POMGNT1: variants seen among roughly 807,000 people sequenced by gnomAD.
POMGNT1 encodes protein O-linked-mannose beta-1,2-N-acetylglucosaminyltransferase 1.
POMGNT1 carries 67 observed loss-of-function variants against 95.6 expected under a neutral mutation model. That is an observed-to-expected ratio of 0.70 (90% CI 0.58 to 0.86). POMGNT1 has a LOEUF of 0.86. Among genes scored for constraint, POMGNT1 ranks in the 40% least tolerant of loss-of-function variants. The pLI, the probability that POMGNT1 is intolerant of heterozygous loss-of-function variation, is 0.00. For missense variants in POMGNT1, 719 were observed against 855.2 expected (o/e 0.84, Z 1.99); for synonymous variants, 298 against 317.9 (o/e 0.94, Z 0.66).
intron 1 of POMGNT1, among the ~76,000 whole-genome samples, chr1:46,212,132 G>A (rs1658916287): frequency 6.6e-6 from 1 of 152,092 alleles, no homozygotes; most frequent in African/African-American, 2.4e-5. Context: ...GTTATTTCCT[G>A]AATAATTCAA....
intron 1 of POMGNT1, among the ~76,000 whole-genome samples, chr1:46,216,079 C>T (rs1659057550): frequency 9.2e-6 from 1 of 108,958 alleles, no homozygotes; most frequent in Admixed American, 1.4e-4. Flanking sequence ...GACGGAGTCT[C>T]GCTGTTGCCC....
chr1:46,219,626 G>T, intron 1 of POMGNT1: 1 of 1,457,900 alleles, frequency 6.9e-7, no homozygotes. Context: ...GAACCACAAG[G>T]TAGTGGCCTG....
At chr1:46,199,361 G>T (rs1334861213), upstream of POMGNT1, among the ~76,000 whole-genome samples, 1 of 152,212 alleles carries the variant, frequency 6.6e-6, no homozygotes, top group East Asian at 1.9e-4. Context: ...ACTGCACTCT[G>T]CTGGCAACAA....
intron 1 of POMGNT1, among the ~76,000 whole-genome samples, chr1:46,215,708 G>A (rs1045465461): frequency 1.3e-5 from 2 of 152,180 alleles, no homozygotes; most frequent in African/African-American, 2.4e-5. Context: ...AGACCAGCCT[G>A]GGCAACATAG....
rs200227264 is a variant in POMGNT1 at position 46,196,798 on chromosome 1, C to G, written c.287G>C (p.Arg96Pro). The G allele has an allele frequency of 2.8e-5, 45 of 1,614,094 alleles. No individual in the cohort carries two copies. Among genetic ancestry groups the G allele is most frequent in the Non-Finnish European group, 3.8e-5 (45 of 1,180,046 alleles). The change falls in exon 4 of 22, where the codon CGG becomes CCG. Residue 96 changes from arginine to proline, a missense_variant. Arg to Pro is a moderately radical substitution (Grantham distance 103). Coordinates refer to ENST00000371984, the MANE Select transcript of POMGNT1 (RefSeq NM_017739.4). The surrounding 1 kb of genome is among the most constrained non-coding windows in gnomAD (Gnocchi z 4.4). Reference sequence around the variant, plus strand: ...ATACACCTCTACGTCCAGGACCCGCCGGGGACCACTGCCTCTGCGCCGTGG... The same window carrying G: ...ATACACCTCTACGTCCAGGACCCGCGGGGGACCACTGCCTCTGCGCCGTGG... ...EPPRRRGSGP[R>P]RVLDVEVYSS... is the part of the protein sequence containing the mutation.
intron 14 of POMGNT1, 50 bp downstream of exon 14, chr1:46,192,850 T>C (rs2148188896): frequency 1.2e-6 from 2 of 1,611,940 alleles, no homozygotes; most frequent in East Asian, 2.2e-5. Flanking sequence ...TCACTGACTC[T>C]TTCCCTGCAG....
intron 11 of POMGNT1, 74 bp from the exon 12 acceptor site, chr1:46,193,462 C>T (rs530310059): frequency 6.2e-7 from 1 of 1,608,190 alleles, no homozygotes; most frequent in Non-Finnish European, 8.5e-7. Context: ...AAGGCCTTCA[C>T]ATTTCACAGC....
chr1:46,198,826 A>C (rs1270838945), upstream of POMGNT1, among the ~76,000 whole-genome samples: 2 of 152,234 alleles, frequency 1.3e-5, no homozygotes, highest in African/African-American at 4.8e-5. Context: ...TGGGGCATGC[A>C]CAGCTATTGG....
chr1:46,190,432 C>T (rs767066048), intron 19 of POMGNT1, 41 bp downstream of exon 19: 1 of 1,541,702 alleles, frequency 6.5e-7, no homozygotes, highest in Non-Finnish European at 9.0e-7. Flanking sequence ...CAGTATTTGA[C>T]TCTTTGCTCC....
intron 6 of POMGNT1, 158 bp downstream of exon 6, chr1:46,195,653 T>A: frequency 2.7e-6 from 2 of 750,986 alleles, no homozygotes; most frequent in Non-Finnish European, 4.7e-6. Flanking sequence ...CAATAACTAT[T>A]TGCTGAATTA....
Position 46,196,604 on chromosome 1 carries a change from G to A in POMGNT1, c.354+127C>T. 1 of 1,567,684 alleles carries A rather than the reference G, an allele frequency of 6.4e-7. No individual in the cohort carries two copies. Among genetic ancestry groups the A allele is most frequent in the East Asian group, 2.3e-5 (1 of 43,912 alleles). ...CCCAGTCTATAGATAAGGAATCGAG[G>A]ACTCCAAAGTCACACAGCTAGAAAC... On this transcript the variant is annotated intron_variant, in intron 4 of 21. Transcript: ENST00000371984. The surrounding 1 kb of genome is among the most constrained non-coding windows in gnomAD (Gnocchi z 4.4).
At position 46,213,369 on chromosome 1, in the gene POMGNT1, A is replaced by T. The variant is rs114239031; in HGVS notation, c.-51+6336T>A. Among the ~76,000 whole-genome samples the T allele has an allele frequency of 1.0e-2, 1,489 of 149,098 alleles. 70 individuals carry two copies. The highest frequency in any genetic ancestry group is 0.034 in the African/African-American group (1,384 of 41,072). ...TTTCCATATTTTAAAAAGTATATAA[A>T]TTTTTTAAAATGTCATCTAGTTTGT... On this transcript the variant is annotated intron_variant, in intron 1 of 22. Transcript: ENST00000371992.
intron 5 of POMGNT1, 39 bp from the exon 6 acceptor site, chr1:46,195,963 G>T (rs1658206647): frequency 6.2e-7 from 1 of 1,614,126 alleles, no homozygotes; most frequent in Admixed American, 1.7e-5. Flanking sequence ...GGTGTCATCA[G>T]CAAGAGCCCA....
chr1:46,209,970 G>C (rs1483784537), intron 1 of POMGNT1, among the ~76,000 whole-genome samples: 1 of 152,096 alleles, frequency 6.6e-6, no homozygotes, highest in African/African-American at 2.4e-5. Flanking sequence ...TGTCTTCACT[G>C]TTCATATATT....
intron 8 of POMGNT1, 40 bp downstream of exon 8, chr1:46,194,513 C>A (rs1254706424): frequency 6.2e-7 from 1 of 1,614,046 alleles, no homozygotes; most frequent in Non-Finnish European, 8.5e-7. Context: ...TGCCCACCCC[C>A]AGCCCAGGCC....
chr1:46,200,681 T>TA (rs1352020070), upstream of POMGNT1, among the ~76,000 whole-genome samples: 5 of 152,258 alleles, frequency 3.3e-5, no homozygotes, highest in African/African-American at 9.6e-5. Flanking sequence ...CTGTCAGTCT[T>TA]ACCTCCTAAA....
exon 1 of POMGNT1, chr1:46,220,272 GTC>G (rs1413445579): frequency 1.3e-6 from 2 of 1,522,130 alleles, no homozygotes; most frequent in Non-Finnish European, 1.8e-6. Context: ...ATTAGATGTG[GTC>G]TCCCCCAAAA....
chr1:46,193,073 ATGAG>A, intron 13 of POMGNT1, 97 bp downstream of exon 13: 2 of 1,604,434 alleles, frequency 1.2e-6, no homozygotes, highest in South Asian at 2.2e-5. Flanking sequence ...GATGTGAAGG[ATGAG>A]GCCCAGTGAG....
At chr1:46,218,954 C>T (rs2148254970) in intron 1 of POMGNT1, among the ~76,000 whole-genome samples, 1 of 152,258 alleles carries the variant, frequency 6.6e-6, no homozygotes, top group African/African-American at 2.4e-5. Context: ...CCCTATCTTG[C>T]TATTCTTTGT....
Sources: allele counts gnomAD v4.1 joint callset (sites outside exome capture counted in the v4.1 genomes callset), GRCh38; gene constraint gnomAD v4.1.1; non-coding constraint Gnocchi (gnomAD v3.1); transcripts MANE v1.5; gene names NCBI Gene and HGNC (gene_info 2026-07-23, HGNC 2026-07-21).